Variants in RGS14 observed in about 807,000 individuals in gnomAD.
The protein encoded by RGS14 is regulator of G protein signaling 14, also known as regulator of G-protein signaling 14.
RGS14 carries 33 observed loss-of-function variants against 63.8 expected under a neutral mutation model. The ratio of observed to expected loss-of-function variants is 0.52; its 90% confidence interval spans 0.39 to 0.69. The LOEUF (loss-of-function observed/expected upper bound fraction) is 0.69, where lower values mean the gene tolerates loss of function less well. Ranked by LOEUF, RGS14 falls within the 30% of genes least tolerant of loss-of-function variation. RGS14 has a pLI of 0.00. For synonymous variants in RGS14, 296 were observed against 320.9 expected (o/e 0.92, Z 0.83); for missense variants, 739 against 742.9 (o/e 0.99, Z 0.06).
intron 1 of RGS14, among the ~76,000 whole-genome samples, chr5:177,363,115 G>A (rs907002208): frequency 6.6e-6 from 1 of 152,120 alleles, no homozygotes; most frequent in African/African-American, 2.4e-5. Context: ...AGGAGCCCGG[G>A]CGCGGGCAGG....
Position 177,371,357 on chromosome 5 carries a change from G to T in RGS14, c.1344G>T (p.Lys448Asn). The T allele has an allele frequency of 6.2e-7, 1 of 1,614,118 alleles. No homozygotes were observed. The change falls in exon 13 of 15, where the codon AAG becomes AAT. Residue 448 changes from lysine (K) to asparagine (N), a missense_variant. Lys to Asn is a moderately conservative substitution (Grantham distance 94). Transcript: ENST00000408923. The surrounding 1 kb of genome is among the most constrained non-coding windows in gnomAD (Gnocchi z 6.1). Reference protein sequence around the residue: ...RLVLDTLPGVKISKARDKSPC... With the variant: ...RLVLDTLPGVNISKARDKSPC... ...TGGCCCTCTCTGCTGCAGGTGTGAA[G>T]ATCTCCAAAGCCCGTGACAAATCTC...
rs779184156 is a variant in RGS14, at chr5:177,368,723, C to T, written c.856C>T (p.Arg286Trp). The T allele has an allele frequency of 1.5e-5, 25 of 1,613,908 alleles. No homozygotes were observed. The South Asian group carries it at 1.8e-4, about 11-fold the overall frequency. The stretch of plus-strand genomic sequence containing the variant: ...CACTCCTGCCATGAATCAGAGCCAC[C>T]GGAAGAGCCTTGGGAGCACGGAGGG... ...AFVSSKSESH[R>W]KSLGSTEGES... is the part of the protein sequence containing the mutation. The change falls in exon 9 of 15, where the codon CGG (arginine) becomes TGG (tryptophan). Residue 286 changes from arginine to tryptophan, a missense_variant. Coordinates refer to ENST00000408923, the MANE Select transcript of RGS14 (RefSeq NM_006480.5).
chr5:177,367,592 G>A, intron 6 of RGS14, 35 bp downstream of exon 6: 1 of 1,589,580 alleles, frequency 6.3e-7, no homozygotes, highest in Non-Finnish European at 8.6e-7. Flanking sequence ...GGGCGAGGCA[G>A]GGGGTCCTGC....
chr5:177,361,870 CCT>C (rs899370292), intron 1 of RGS14, among the ~76,000 whole-genome samples: 7 of 152,162 alleles, frequency 4.6e-5, no homozygotes, highest in South Asian at 2.1e-4. Context: ...CCTTTCTTCC[CCT>C]TTTTCTCCAT....
Position 177,366,218 on chromosome 5 carries a change from C to T in RGS14, c.109C>T (p.Arg37Cys), listed in dbSNP as rs374571122. 70 of 1,603,610 alleles carry T rather than the reference C, an allele frequency of 4.4e-5. No individual in the cohort carries two copies. The highest frequency in any genetic ancestry group is 5.7e-5 in the Non-Finnish European group (67 of 1,176,356). Residue 37 changes from arginine to cysteine, a missense_variant, in exon 3 of 15, where the codon CGC (arginine) becomes TGC (cysteine). By Grantham distance (180) the Arg-to-Cys change is radical. Transcript: ENST00000408923. ...GGGGCCCCAGGGCCAGGGCGAGGGC[C>T]GCGGCAGCTCTCTCAGCATCCACAG... ...TTGPQGQGEGRGSSLSIHSLP... is the reference protein window; with the variant it reads ...TTGPQGQGEGCGSSLSIHSLP...
chr5:177,367,163 C>T lies in RGS14; in HGVS notation c.483+129C>T. 5 of 1,291,020 alleles carry T rather than the reference C, an allele frequency of 3.9e-6. No homozygotes were observed. The South Asian group carries it at 7.2e-5, about 19-fold the overall frequency. 80.0% of individuals were successfully genotyped at this position (1,291,020 alleles called of 1,614,324 possible). On this transcript the variant is annotated intron_variant, in intron 5 of 14. Transcript: ENST00000408923. ...TTGGAGGCGGAGACAGAGCCAAATGCCGGGGCAGGCAGGGCGGAGCTCAGA... is the reference window on the plus strand; with the variant it reads ...TTGGAGGCGGAGACAGAGCCAAATGTCGGGGCAGGCAGGGCGGAGCTCAGA...
rs1346514542 is a variant in RGS14 at position 177,363,101 on chromosome 5, G to A, written c.46-2862G>A. 3.3e-5 allele frequency among the ~76,000 whole-genome samples: 5 copies of A among 152,314 alleles called. No homozygotes were observed. In the East Asian group the frequency reaches 9.7e-4, roughly 29 times the overall value. On this transcript the variant is annotated intron_variant, in intron 1 of 14. Coordinates refer to ENST00000408923, the MANE Select transcript of RGS14 (RefSeq NM_006480.5). Reference sequence around the variant, plus strand: ...GAACACCGTGGCGGTGCAGCCGGGGGAGGAGGAGCCCGGGCGCGGGCAGGT... The same window carrying A: ...GAACACCGTGGCGGTGCAGCCGGGGAAGGAGGAGCCCGGGCGCGGGCAGGT...
chr5:177,362,973 G>A (rs1171389807), intron 1 of RGS14, among the ~76,000 whole-genome samples: 2 of 152,214 alleles, frequency 1.3e-5, no homozygotes, highest in African/African-American at 2.4e-5. Flanking sequence ...GAGGCTCAGG[G>A]TGTGCGCGAG....
chr5:177,365,399 C>G (rs1274426557), intron 1 of RGS14, among the ~76,000 whole-genome samples: 2 of 150,442 alleles, frequency 1.3e-5, no homozygotes, highest in East Asian at 3.9e-4. Context: ...GACTGGGTTT[C>G]ACCATGTTGG....
rs1429056338 is a variant in RGS14 at position 177,371,556 on chromosome 5, G to A, written c.1465G>A (p.Ala489Thr). ...PSSLVKVPSSATGKRQTCDIE... is the reference protein window; with the variant it reads ...PSSLVKVPSSTTGKRQTCDIE... The stretch of plus-strand genomic sequence containing the variant: ...TTCTCTGGTGAAGGTGCCCAGTAGT[G>A]CCACTGGAAAGCGGCAGACCTGTGA... The change falls in exon 14 of 15, where the codon GCC becomes ACC. Residue 489 changes from alanine to threonine, a missense_variant. Transcript: ENST00000408923. This position sits in a 1 kb window ranked among gnomAD's most constrained non-coding sequence, Gnocchi z 6.1. 6.2e-7 allele frequency: 1 copy of A among 1,614,130 alleles called. No individual in the cohort carries two copies. Among genetic ancestry groups the A allele is most frequent in the Admixed American group, 1.7e-5 (1 of 60,014 alleles).
intron 1 of RGS14, among the ~76,000 whole-genome samples, chr5:177,362,706 T>C (rs1159119242): frequency 6.7e-6 from 1 of 149,814 alleles, no homozygotes; most frequent in Non-Finnish European, 1.5e-5. Flanking sequence ...CTGAAGGGGG[T>C]TCATTAGTCA....
rs759274665 is a variant in RGS14, at chr5:177,367,018, G to A, written c.467G>A (p.Arg156Gln). ...VLAEPRPDMF[R>Q]AQQLQIFNLM... ...GCCGAGCCCCGGCCGGACATGTTTC[G>A]GGCACAGCAGCTTCAGGTGGGCGAT... is the stretch of plus-strand genomic sequence containing the variant. The change falls in exon 5 of 15, where the codon CGG becomes CAG. Residue 156 changes from arginine to glutamine, a missense_variant. Transcript: ENST00000408923. 9.3e-6 allele frequency: 15 copies of A among 1,610,900 alleles called. No homozygotes were observed. The highest frequency in any genetic ancestry group is 6.7e-5 in the East Asian group (3 of 44,868).
intron 8 of RGS14, 48 bp downstream of exon 8, chr5:177,368,314 C>T (rs1016664122): frequency 1.2e-5 from 19 of 1,534,870 alleles, no homozygotes; most frequent in Non-Finnish European, 1.4e-5. Context: ...GCTAGAGTCA[C>T]TACTCAGGCC....
rs752684329 is a variant in RGS14 at position 177,368,931 on chromosome 5, G to T, written c.1053+11G>T. On this transcript the variant is annotated intron_variant, in intron 9 of 14. Transcript: ENST00000408923. The stretch of plus-strand genomic sequence containing the variant: ...GTGGGCAATGAACAGGTGGGAACGT[G>T]ACCTGGCTCCAACTCTAACCTCCTT... 3 of 1,613,454 alleles carry T rather than the reference G, an allele frequency of 1.9e-6. No individual in the cohort carries two copies.
Position 177,368,166 on chromosome 5 carries a change from G to T in RGS14, c.749G>T (p.Gly250Val), listed in dbSNP as rs1418146872. ...LRKSFRRELG[G>V]TANAALRRES... ...GCTCCCTCTTCACTAGAGCTGGGCG[G>T]GACTGCAAACGCCGCCTTGCGCCGA... Residue 250 changes from glycine (G) to valine (V), a missense_variant, in exon 8 of 15, where the codon GGG becomes GTG. By Grantham distance (109) the Gly-to-Val change is moderately radical. Coordinates refer to ENST00000408923, the MANE Select transcript of RGS14 (RefSeq NM_006480.5). 2 of 1,613,226 alleles carry T rather than the reference G, an allele frequency of 1.2e-6. No individual in the cohort carries two copies. Among genetic ancestry groups the T allele is most frequent in the South Asian group, 2.2e-5 (2 of 91,080 alleles).
At chr5:177,367,903 A>G in intron 7 of RGS14, 78 bp downstream of exon 7, 1 of 1,462,210 alleles carries the variant, frequency 6.8e-7, no homozygotes, top group Admixed American at 2.6e-5. Context: ...CCTTCCTCCT[A>G]CGTGGCCCAC....
chr5:177,363,535 T>C (rs1762021821), intron 1 of RGS14, among the ~76,000 whole-genome samples: 1 of 152,194 alleles, frequency 6.6e-6, no homozygotes, highest in African/African-American at 2.4e-5. Flanking sequence ...TGCTCTTTCC[T>C]TCTATGGCGG....
At position 177,372,039 on chromosome 5, in the gene RGS14, G is replaced by A. The variant is rs1019747430; in HGVS notation, c.1665G>A (p.Gly555=). The change falls in exon 15 of 15, where the codon GGG becomes GGA. Residue 555 remains glycine (G), a synonymous_variant. Coordinates refer to ENST00000408923, the MANE Select transcript of RGS14 (RefSeq NM_006480.5). ...CCAAATCAGCAGCCCAGCCCATCGG[G>A]GGATCCTTGAACTCCACCACCGACT... ...PQTKSAAQPI[G]GSLNSTTDSA... 6.8e-6 allele frequency: 11 copies of A among 1,613,976 alleles called. No individual in the cohort carries two copies. Among genetic ancestry groups the A allele is most frequent in the Middle Eastern group, 1.6e-4 (1 of 6,084 alleles).
Position 177,367,152 on chromosome 5 carries a change from A to C in RGS14, c.483+118A>C, listed in dbSNP as rs557875603. On this transcript the variant is annotated intron_variant, in intron 5 of 14. Transcript: ENST00000408923. ...AGGGGGCAAATTTGGAGGCGGAGAC[A>C]GAGCCAAATGCCGGGGCAGGCAGGG... 76 of 1,357,284 alleles carry C rather than the reference A, an allele frequency of 5.6e-5. 2 individuals carry two copies. The South Asian group carries it at 7.5e-4, about 13-fold the overall frequency. The allele number at this position is 1,357,284 out of a possible 1,614,324, so 84.1% of individuals were successfully genotyped here. A position where few individuals can be genotyped will look rare whatever the true frequency, so the allele number is the denominator to read the frequency against.
Sources: allele counts gnomAD v4.1 joint callset (sites outside exome capture counted in the v4.1 genomes callset), GRCh38; gene constraint gnomAD v4.1.1; non-coding constraint Gnocchi (gnomAD v3.1); transcripts MANE v1.5; gene names NCBI Gene and HGNC (gene_info 2026-07-23, HGNC 2026-07-21).